Variants in PCNX3 observed in about 807,000 individuals in gnomAD.
PCNX3 encodes the protein pecanex 3, also known as pecanex-like protein 3.
Under a neutral mutation model 207.2 loss-of-function variants are expected in PCNX3, and 58 were observed. The observed-to-expected ratio is 0.28, with a 90% CI of 0.23 to 0.35. PCNX3 has a LOEUF of 0.35. Among genes scored for constraint, PCNX3 ranks in the 10% least tolerant of loss-of-function variants. The pLI, the probability that PCNX3 is intolerant of heterozygous loss-of-function variation, is 1.00. For missense variants in PCNX3, 2,410 were observed against 2,774.4 expected (o/e 0.87, Z 2.95); for synonymous variants, 1,337 against 1,183.5 (o/e 1.13, Z -2.66).
In PCNX3 at chr11:65,625,197, T is replaced by C. The variant is rs747456161; in HGVS notation, c.2946T>C (p.Pro982=). ...CTCCGTGGCCAGAGCAGCACGTCCC[T>C]GTCCTCTTCTCAGTCTTCTGTGGCC... The part of the protein sequence containing the change: ...IKTPWPEQHV[P]VLFSVFCGLL... The change falls in exon 17 of 35, where the codon CCT becomes CCC. Residue 982 remains proline (P), a synonymous_variant. Transcript: ENST00000355703. The surrounding 1 kb of genome is among the most constrained non-coding windows in gnomAD (Gnocchi z 5.6). 6.8e-6 allele frequency: 11 copies of C among 1,609,900 alleles called. No individual in the cohort carries two copies. The highest frequency in any genetic ancestry group is 8.5e-6 in the Non-Finnish European group (10 of 1,179,366).
chr11:65,637,382 T>C lies in PCNX3; in HGVS notation c.*404T>C, dbSNP rs538740633. ...TCTTTCCTTTTTTTTCTTTTCTTTT[T>C]TTTTTTTTTTTTTGTGCTTCGGAGA... On this transcript the variant is annotated 3_prime_UTR_variant, in exon 35 of 35. Transcript: ENST00000355703. The C allele has an allele frequency of 1.1e-3, 191 of 173,228 alleles. No individual in the cohort carries two copies. The highest frequency in any genetic ancestry group is 3.7e-3 in the South Asian group (25 of 6,686). The allele number at this position is 173,228 out of a possible 1,614,324, so 10.7% of individuals were successfully genotyped here. A position where few individuals can be genotyped will look rare whatever the true frequency, so the allele number is the denominator to read the frequency against.
chr11:65,634,570 C>A lies in PCNX3; in HGVS notation c.4734C>A (p.Val1578=), dbSNP rs1405298172. The part of the protein sequence containing the change: ...PVDQDWNSPL[V]TLCFGLCVLG... Reference sequence around the variant, plus strand: ...ACCAGGATTGGAACTCCCCGCTGGTCACGCTGTGTTTTGGCCTGTGTGTGC... The same window carrying A: ...ACCAGGATTGGAACTCCCCGCTGGTAACGCTGTGTTTTGGCCTGTGTGTGC... The change falls in exon 29 of 35, where the codon GTC becomes GTA. Residue 1578 remains valine, a synonymous_variant. Transcript: ENST00000355703. 2.5e-6 allele frequency: 4 copies of A among 1,603,862 alleles called. No individual in the cohort carries two copies. The South Asian group carries it at 4.5e-5, about 18-fold the overall frequency.
In PCNX3 at chr11:65,618,355, C is replaced by G. The variant is rs768995246; in HGVS notation, c.993C>G (p.Ala331=). Residue 331 remains alanine, a synonymous_variant, in exon 6 of 35, where the codon GCC becomes GCG. Coordinates refer to ENST00000355703, the MANE Select transcript of PCNX3 (RefSeq NM_032223.4). ...THLDSPPGGP[A]PEGSDTDPPS... is the part of the protein sequence containing the mutation. ...TGGACAGCCCCCCAGGGGGGCCAGC[C>G]CCTGAGGGCAGCGACACAGACCCAC... is the stretch of plus-strand genomic sequence containing the variant. 10 of 1,612,430 alleles carry G rather than the reference C, an allele frequency of 6.2e-6. No homozygotes were observed. The highest frequency in any genetic ancestry group is 3.3e-4 in the Middle Eastern group (2 of 6,062).
Position 65,618,638 on chromosome 11 carries a change from G to C in PCNX3, c.1276G>C (p.Glu426Gln). The stretch of plus-strand genomic sequence containing the variant: ...CTTCTTTGAGGATGAAGACACTAGT[G>C]AGGGCAGTGAACTGAGCCCGGCCTC... ...GGFFEDEDTSEGSELSPASSL... is the reference protein window; with the variant it reads ...GGFFEDEDTSQGSELSPASSL... The change falls in exon 6 of 35, where the codon GAG becomes CAG. Residue 426 changes from glutamate to glutamine, a missense_variant. By Grantham distance (29) the Glu-to-Gln change is conservative. Transcript: ENST00000355703. 1 of 1,613,088 alleles carries C rather than the reference G, an allele frequency of 6.2e-7. No homozygotes were observed. The highest frequency in any genetic ancestry group is 2.2e-5 in the East Asian group (1 of 44,872).
intron 27 of PCNX3, among the ~76,000 whole-genome samples, chr11:65,631,193 C>G (rs1855603713): frequency 6.6e-6 from 1 of 152,178 alleles, no homozygotes; most frequent in African/African-American, 2.4e-5. Context: ...CTGAGCCAGG[C>G]CTGAGGATCT....
Position 65,624,150 on chromosome 11 carries a change from G to A in PCNX3, c.2545-45G>A, listed in dbSNP as rs1263127373. On this transcript the variant is annotated intron_variant, in intron 13 of 34. Coordinates refer to ENST00000355703, the MANE Select transcript of PCNX3 (RefSeq NM_032223.4). Reference sequence around the variant, plus strand: ...TTGAGTGTGTGCATGTGTCAGAGGTGTGGCCAGTCGGGGAGACCCAGCTCC... The same window carrying A: ...TTGAGTGTGTGCATGTGTCAGAGGTATGGCCAGTCGGGGAGACCCAGCTCC... 3.2e-6 allele frequency: 5 copies of A among 1,578,278 alleles called. No individual in the cohort carries two copies. The East Asian group carries it at 6.9e-5, about 22-fold the overall frequency.
In PCNX3 at chr11:65,636,746, ACCTCTC is replaced by A; in HGVS notation, c.5893-17_5893-12del. On this transcript the variant is annotated splice_polypyrimidine_tract_variant and intron_variant, in intron 34 of 34. Coordinates refer to ENST00000355703, the MANE Select transcript of PCNX3 (RefSeq NM_032223.4). ...AAGGCTAAGGCCTGCTCACCCGCCAACCTCTCCCCCCTCCCCCAGGCGCCTCTAGAC... is the reference window on the plus strand; with the variant it reads ...AAGGCTAAGGCCTGCTCACCCGCCAACCCCCTCCCCCAGGCGCCTCTAGAC... 1 of 1,544,758 alleles carries A rather than the reference ACCTCTC, an allele frequency of 6.5e-7. No homozygotes were observed. The highest frequency in any genetic ancestry group is 8.7e-7 in the Non-Finnish European group (1 of 1,144,000).
In PCNX3 at chr11:65,625,078, G is replaced by T; in HGVS notation, c.2919+62G>T. On this transcript the variant is annotated intron_variant, in intron 16 of 34. Coordinates refer to ENST00000355703, the MANE Select transcript of PCNX3 (RefSeq NM_032223.4). This position sits in a 1 kb window ranked among gnomAD's most constrained non-coding sequence, Gnocchi z 5.6. ...GCGTAAGGGTGGTTGGGGCGGGGCT[G>T]TGAACTGGGCTCAGCAGTGGCTTCT... is the stretch of plus-strand genomic sequence containing the variant. 1 of 1,567,062 alleles carries T rather than the reference G, an allele frequency of 6.4e-7. No individual in the cohort carries two copies.
At chr11:65,617,032 G>T (rs768170780) in intron 2 of PCNX3, 21 bp downstream of exon 2, 1 of 1,581,728 alleles carries the variant, frequency 6.3e-7, no homozygotes, top group Non-Finnish European at 8.6e-7. Flanking sequence ...TAGGGGCTGT[G>T]CTGGGGATTG....
At position 65,619,052 on chromosome 11, in the gene PCNX3, G is replaced by A. The variant is rs56232198; in HGVS notation, c.1690G>A (p.Gly564Ser). 4.8e-4 allele frequency: 759 copies of A among 1,591,050 alleles called. 1 individual carries two copies. Among genetic ancestry groups the A allele is most frequent in the Non-Finnish European group, 6.0e-4 (705 of 1,176,478 alleles). Residue 564 changes from glycine (G) to serine (S), a missense_variant, in exon 6 of 35, where the codon GGT (glycine) becomes AGT (serine). Gly to Ser is a moderately conservative substitution (Grantham distance 56, BLOSUM62 0). This residue lies in a region of PCNX3 where 1,104 missense variants were observed against 970.3 expected (regional missense o/e 1.14). Transcript: ENST00000355703. ...CTGGCGGGGGGAGCTGCAGGAGGAA[G>A]GTGCTGTGGGGGGAGGTGAGTGCTT... ...PGWRGELQEE[G>S]AVGGAAEETG... is the part of the protein sequence containing the mutation.
chr11:65,626,089 G>A (rs1458334034), intron 20 of PCNX3, 35 bp downstream of exon 20: 3 of 1,565,526 alleles, frequency 1.9e-6, no homozygotes, highest in Non-Finnish European at 1.7e-6. Context: ...GGCCTGGGCA[G>A]TGGCTCGGGC....
chr11:65,619,830 G>C lies in PCNX3; in HGVS notation c.1906G>C (p.Ala636Pro). 2.5e-6 allele frequency: 4 copies of C among 1,605,354 alleles called. No homozygotes were observed. Among genetic ancestry groups the C allele is most frequent in the Non-Finnish European group, 3.4e-6 (4 of 1,178,520 alleles). The change falls in exon 8 of 35, where the codon GCC becomes CCC. Residue 636 changes from alanine (A) to proline (P), a missense_variant. Physicochemically the swap from Ala to Pro is conservative, Grantham distance 27. Coordinates refer to ENST00000355703, the MANE Select transcript of PCNX3 (RefSeq NM_032223.4). ...GACGCTGCCCTCTGCGCTGCATTTC[G>C]CCTCTTCACTGTTGCTCACCCGGGC... is the stretch of plus-strand genomic sequence containing the variant. The part of the protein sequence containing the change: ...ALTLPSALHF[A>P]SSLLLTRAGA...
In PCNX3 at chr11:65,635,349, G is replaced by A. The variant is rs1216866160; in HGVS notation, c.5085G>A (p.Thr1695=). The A allele has an allele frequency of 4.3e-6, 7 of 1,610,402 alleles. No homozygotes were observed. The highest frequency in any genetic ancestry group is 2.7e-5 in the African/African-American group (2 of 74,802). The change falls in exon 31 of 35, where the codon ACG becomes ACA. Residue 1695 remains threonine, a synonymous_variant. Coordinates refer to ENST00000355703, the MANE Select transcript of PCNX3 (RefSeq NM_032223.4). The surrounding 1 kb of genome is among the most constrained non-coding windows in gnomAD (Gnocchi z 9.9). ...PAWRSAILSN[T]PSLLALRHVL... ...GGCGCAGCGCCATCCTCAGCAACAC[G>A]CCCTCCCTGCTGGCGCTGCGCCATG...
In PCNX3 at chr11:65,629,300, G is replaced by C. The variant is rs779084737; in HGVS notation, c.3942-57G>C. On this transcript the variant is annotated intron_variant, in intron 24 of 34. Transcript: ENST00000355703. ...TGTGGCACAGGGAGAGCATGAGCAG[G>C]GTGCACCCTCTCTTCACCTTCTTGG... The C allele has an allele frequency of 1.4e-5, 22 of 1,534,382 alleles. No homozygotes were observed. In the Admixed American group the frequency reaches 2.2e-4, roughly 15 times the overall value.
rs375611497 is a variant in PCNX3 at position 65,625,137 on chromosome 11, C to T, written c.2920-34C>T. ...GGCAGCCCGGGCCCCATGCTTACCT[C>T]ACCTCCCCTGACCAGCATGGATTCT... On this transcript the variant is annotated intron_variant, in intron 16 of 34. Coordinates refer to ENST00000355703, the MANE Select transcript of PCNX3 (RefSeq NM_032223.4). This position sits in a 1 kb window ranked among gnomAD's most constrained non-coding sequence, Gnocchi z 5.6. 2.6e-5 allele frequency: 41 copies of T among 1,575,220 alleles called. No homozygotes were observed. The African/African-American group carries it at 5.0e-4, about 19-fold the overall frequency.
chr11:65,633,925 C>A (rs1031241117), intron 27 of PCNX3, among the ~76,000 whole-genome samples: 1 of 152,220 alleles, frequency 6.6e-6, no homozygotes, highest in Admixed American at 6.5e-5. Flanking sequence ...TGCTTCCTGG[C>A]GGCTTTGTCA....
Position 65,633,979 on chromosome 11 carries a change from CTT to C in PCNX3, c.4471-146_4471-145del, listed in dbSNP as rs1190452626. 39 of 767,138 alleles carry C rather than the reference CTT, an allele frequency of 5.1e-5. No homozygotes were observed. In the East Asian group the frequency reaches 9.4e-4, roughly 19 times the overall value. 47.5% of individuals were successfully genotyped at this position (767,138 alleles called of 1,614,324 possible). ...GAAGGAGCCAACTTGCTTGGTTGCT[CTT>C]GAGAGCTGAGATGGCTCTAGGAGCG... On this transcript the variant is annotated intron_variant, in intron 27 of 34. Transcript: ENST00000355703.
intron 29 of PCNX3, 67 bp downstream of exon 29, chr11:65,634,708 G>T: frequency 7.0e-7 from 1 of 1,430,620 alleles, no homozygotes. Context: ...GAAGAGCACT[G>T]TGGTCTCTGG....
chr11:65,623,800 G>A, intron 12 of PCNX3, 129 bp from the exon 13 acceptor site: 21 of 1,534,820 alleles, frequency 1.4e-5, no homozygotes, highest in Non-Finnish European at 1.9e-5. Context: ...GAAAACTGAG[G>A]CTCAGGACAG....
Sources: gnomAD v4.1 joint callset for allele counts (sites outside exome capture counted in the v4.1 genomes callset) on GRCh38, gnomAD v4.1.1 for gene constraint, gnomAD v4.1.1 regional missense constraint, Gnocchi (gnomAD v3.1) non-coding constraint, MANE v1.5 for transcripts, NCBI Gene and HGNC (gene_info 2026-07-23, HGNC 2026-07-21) for gene names.